The following ZFP1 variants were observed in gnomAD, a reference collection of about 807,000 sequenced individuals.
ZFP1 encodes ZFP1 zinc finger protein.
Under a neutral mutation model 38.5 loss-of-function variants are expected in ZFP1, and 32 were observed. The observed-to-expected ratio is 0.83, with a 90% CI of 0.63 to 1.12. The LOEUF (loss-of-function observed/expected upper bound fraction) is 1.12. Ranked by LOEUF, ZFP1 falls within the 50% of genes most tolerant of loss-of-function variation. The pLI is 0.00. For synonymous variants in ZFP1, 245 were observed against 168.8 expected, an observed-to-expected ratio of 1.45 and a Z score of -3.50; for missense variants, 616 against 480.8, an observed-to-expected ratio of 1.28 and a Z score of -2.63.
At chr16:75,159,409 A>AT (rs59866485) in intron 2 of ZFP1, among the ~76,000 whole-genome samples, 34 of 59,136 alleles carry the variant, frequency 5.7e-4, no homozygotes, top group African/African-American at 1.7e-3. Flanking sequence ...CTCACTTTTC[A>AT]TTTTTTTTTT....
At chr16:75,149,557 CTT>C (rs34371791) in intron 1 of ZFP1, among the ~76,000 whole-genome samples, 2 of 101,764 alleles carry the variant, frequency 2.0e-5, no homozygotes, top group East Asian at 2.7e-4. Context: ...TCTTTACTTT[CTT>C]TTTTTTTTTT....
the ZFP1 span, among the ~76,000 whole-genome samples, chr16:75,134,423 C>A: frequency 6.6e-6 from 1 of 152,098 alleles, no homozygotes; most frequent in Non-Finnish European, 1.5e-5. Flanking sequence ...GCCTGGGCAT[C>A]AATAGCCAGA....
chr16:75,169,259 G>GGAAGGCTGATGACCA lies in ZFP1; in HGVS notation c.152_166dup (p.Lys51_Gln55dup). ...TTGTGCTCTCTATTCCTAGAAGTGTGGAAGGCTGATGACCAGATGGAGAGA... is the reference window on the plus strand; with the variant it reads ...TTGTGCTCTCTATTCCTAGAAGTGTGGAAGGCTGATGACCAGAAGGCTGATGACCAGATGGAGAGA... On this transcript the variant is annotated inframe_insertion, in exon 4 of 4. Coordinates refer to ENST00000570010, the MANE Select transcript of ZFP1 (RefSeq NM_153688.4). 6.2e-7 allele frequency: 1 copy of GGAAGGCTGATGACCA among 1,606,828 alleles called. No homozygotes were observed.
intron 2 of ZFP1, among the ~76,000 whole-genome samples, chr16:75,163,316 G>C (rs1408973026): frequency 6.7e-6 from 1 of 148,274 alleles, no homozygotes; most frequent in African/African-American, 2.5e-5. Context: ...GTTTTGTTTT[G>C]TTTTTTTGAG....
the ZFP1 span, among the ~76,000 whole-genome samples, chr16:75,140,883 C>T: frequency 6.6e-6 from 1 of 151,864 alleles, no homozygotes; most frequent in African/African-American, 2.4e-5. Context: ...GTCATGCATC[C>T]GGGAGGCGGA....
At chr16:75,152,143 G>A (rs920334591) in intron 1 of ZFP1, among the ~76,000 whole-genome samples, 7 of 151,942 alleles carry the variant, frequency 4.6e-5, no homozygotes, top group Non-Finnish European at 1.0e-4. Flanking sequence ...TTTTAACTTT[G>A]GTTTTCATTT....
At chr16:75,141,977 C>T in the ZFP1 span, among the ~76,000 whole-genome samples, 1 of 151,154 alleles carries the variant, frequency 6.6e-6, no homozygotes, top group Admixed American at 6.6e-5. Flanking sequence ...TTGCTTGAAC[C>T]CAGGAGGCAG....
chr16:75,123,935 C>CA, the ZFP1 span, among the ~76,000 whole-genome samples: 24 of 150,170 alleles, frequency 1.6e-4, no homozygotes, highest in Non-Finnish European at 2.8e-4. Flanking sequence ...ACTAAAAATA[C>CA]AAAAAAAAAT....
At chr16:75,139,096 G>T in the ZFP1 span, among the ~76,000 whole-genome samples, 191 of 152,158 alleles carry the variant, frequency 1.3e-3, no homozygotes, top group African/African-American at 3.7e-3. Context: ...TGGGCTGGGC[G>T]CGGCAGCTCA....
chr16:75,143,509 G>C (rs946418560), upstream of ZFP1, among the ~76,000 whole-genome samples: 9 of 152,164 alleles, frequency 5.9e-5, no homozygotes, highest in Non-Finnish European at 1.0e-4. Flanking sequence ...GCCCCCCAAA[G>C]TGCTGGAATT....
At chr16:75,150,807 T>C (rs1222733216) in intron 1 of ZFP1, among the ~76,000 whole-genome samples, 1 of 152,192 alleles carries the variant, frequency 6.6e-6, no homozygotes, top group Admixed American at 6.5e-5. Context: ...TATTGTGCTG[T>C]TGATCGTAGA....
At chr16:75,130,036 G>A in the ZFP1 span, among the ~76,000 whole-genome samples, 170 of 152,104 alleles carry the variant, frequency 1.1e-3, no homozygotes, top group African/African-American at 4.0e-3. Context: ...CCACTCTGTC[G>A]CCCAAGCTGG....
At chr16:75,163,262 C>T (rs2037881547) in intron 2 of ZFP1, among the ~76,000 whole-genome samples, 2 of 151,908 alleles carry the variant, frequency 1.3e-5, no homozygotes, top group South Asian at 4.2e-4. Context: ...CTGTCTCTAT[C>T]ATATGAGGAT....
chr16:75,133,197 G>A, the ZFP1 span, among the ~76,000 whole-genome samples: 8 of 151,730 alleles, frequency 5.3e-5, no homozygotes, highest in East Asian at 3.9e-4. Context: ...GGCTGGTCTC[G>A]AACTCCTGAC....
chr16:75,132,484 A>G, the ZFP1 span: 2 of 151,586 alleles, frequency 1.3e-5, no homozygotes, highest in African/African-American at 2.4e-5. Flanking sequence ...TAATCTCTGT[A>G]TTTCTTATGA....
In ZFP1 at chr16:75,166,833, C is replaced by A. The variant is rs1279396644; in HGVS notation, c.79C>A (p.Pro27Thr). 2 of 1,614,094 alleles carry A rather than the reference C, an allele frequency of 1.2e-6. No homozygotes were observed. Among genetic ancestry groups the A allele is most frequent in the African/African-American group, 1.3e-5 (1 of 75,000 alleles). The change falls in exon 3 of 4, where the codon CCC becomes ACC. Residue 27 changes from proline to threonine, a missense_variant. Transcript: ENST00000570010. Reference protein sequence around the residue: ...FTQEEWEQLDPSQRILYMDVM... With the variant: ...FTQEEWEQLDTSQRILYMDVM... ...CCAGGAGGAATGGGAACAACTGGACCCCTCTCAGAGGATCCTATACATGGA... is the reference window on the plus strand; with the variant it reads ...CCAGGAGGAATGGGAACAACTGGACACCTCTCAGAGGATCCTATACATGGA...
At position 75,155,374 on chromosome 16, in the gene ZFP1, T is replaced by A. The variant is rs1409606018; in HGVS notation, c.15+2408T>A. ...ATCTTGAACTCCTGAGCTCAAGCAA[T>A]CCATGTCCACCTCAGTCTCCTAAAG... On this transcript the variant is annotated intron_variant, in intron 2 of 3. Coordinates refer to ENST00000570010, the MANE Select transcript of ZFP1 (RefSeq NM_153688.4). Among the ~76,000 whole-genome samples, 4 of 152,236 alleles carry A rather than the reference T, an allele frequency of 2.6e-5. No homozygotes were observed. The East Asian group carries it at 7.7e-4, about 29-fold the overall frequency.
chr16:75,139,949 T>C, the ZFP1 span, among the ~76,000 whole-genome samples: 1 of 152,162 alleles, frequency 6.6e-6, no homozygotes, highest in Non-Finnish European at 1.5e-5. Flanking sequence ...TAAATTTTAT[T>C]ACATATGTAT....
the ZFP1 span, chr16:75,126,166 T>A: frequency 6.6e-6 from 1 of 152,334 alleles, no homozygotes; most frequent in East Asian, 1.9e-4. Context: ...TATTTACTTT[T>A]GTGAGACAGA....
Sources: allele counts gnomAD v4.1 joint callset (sites outside exome capture counted in the v4.1 genomes callset), GRCh38; gene constraint gnomAD v4.1.1; transcripts MANE v1.5; gene names NCBI Gene and HGNC (gene_info 2026-07-23, HGNC 2026-07-21).